Variants in ANKHD1 observed in about 807,000 individuals in gnomAD.
ANKHD1 encodes ankyrin repeat and KH domain-containing protein 1.
ANKHD1 carries 31 observed loss-of-function variants against 230.5 expected under a neutral mutation model. The ratio of observed to expected loss-of-function variants is 0.13; its 90% CI spans 0.10 to 0.18. The LOEUF is 0.18. ANKHD1 is among the 10% of genes least tolerant of loss of function. The pLI is 1.00. For missense variants in ANKHD1, 2,256 were observed against 3,071.3 expected (o/e 0.73, Z 6.27); for synonymous variants, 1,074 against 1,117.6 (o/e 0.96, Z 0.78).
At position 140,441,135 on chromosome 5, in the gene ANKHD1, T is replaced by A; in HGVS notation, c.906T>A (p.Ser302=). The change falls in exon 5 of 34, where the codon TCT becomes TCA. Residue 302 remains serine (S), a synonymous_variant. Coordinates refer to ENST00000360839, the MANE Select transcript of ANKHD1 (RefSeq NM_017747.3). ...LLHDADVNSQ[S]ATGNTALTYA... Reference sequence around the variant, plus strand: ...ATGATGCTGATGTCAACTCCCAGTCTGCAACAGGTATGTAGAAAATGATGT... The same window carrying A: ...ATGATGCTGATGTCAACTCCCAGTCAGCAACAGGTATGTAGAAAATGATGT... The A allele has an allele frequency of 1.9e-6, 3 of 1,591,400 alleles. No homozygotes were observed. The highest frequency in any genetic ancestry group is 2.6e-6 in the Non-Finnish European group (3 of 1,171,012).
At chr5:140,538,680 A>C (rs1324724817) in intron 32 of ANKHD1, among the ~76,000 whole-genome samples, 1 of 152,190 alleles carries the variant, frequency 6.6e-6, no homozygotes, top group Non-Finnish European at 1.5e-5. Context: ...AATATGAGAA[A>C]TTTCCTGATG....
At chr5:140,525,447 G>C (rs565919242) in intron 25 of ANKHD1, among the ~76,000 whole-genome samples, 21 of 152,170 alleles carry the variant, frequency 1.4e-4, no homozygotes, top group Admixed American at 1.1e-3. Context: ...ATTTTTTGTA[G>C]AGACAAGATT....
At chr5:140,457,691 C>A (rs1458335738) in intron 7 of ANKHD1, among the ~76,000 whole-genome samples, 6 of 152,128 alleles carry the variant, frequency 3.9e-5, no homozygotes, top group East Asian at 1.9e-4. Context: ...ACATCACACA[C>A]CAGGGCCTGT....
At chr5:140,519,108 G>T (rs572842425) in intron 24 of ANKHD1, among the ~76,000 whole-genome samples, 1 of 152,288 alleles carries the variant, frequency 6.6e-6, no homozygotes, top group East Asian at 1.9e-4. Context: ...CAAAATCAAT[G>T]TACAAAAATC....
intron 7 of ANKHD1, among the ~76,000 whole-genome samples, chr5:140,450,279 C>T (rs1774614957): frequency 6.8e-6 from 1 of 147,712 alleles, no homozygotes; most frequent in Non-Finnish European, 1.5e-5. Context: ...ATGTAGCAGC[C>T]ACATATTACC....
intron 1 of ANKHD1, among the ~76,000 whole-genome samples, chr5:140,426,199 G>A (rs570707032): frequency 6.6e-6 from 1 of 152,278 alleles, no homozygotes; most frequent in Admixed American, 6.5e-5. Flanking sequence ...GCATGATCTT[G>A]GCTCACTGCA....
chr5:140,467,694 G>A (rs971757180), intron 10 of ANKHD1, among the ~76,000 whole-genome samples: 1 of 152,068 alleles, frequency 6.6e-6, no homozygotes, highest in African/African-American at 2.4e-5. Flanking sequence ...ATTTGTGACA[G>A]TGAAAAAAAT....
intron 2 of ANKHD1, among the ~76,000 whole-genome samples, chr5:140,437,107 A>G (rs984787527): frequency 2.6e-5 from 4 of 152,212 alleles, no homozygotes; most frequent in African/African-American, 9.6e-5. Flanking sequence ...ATTGTTATAA[A>G]TGAAGTAGGA....
At chr5:140,458,264 A>G (rs549564500) in intron 7 of ANKHD1, among the ~76,000 whole-genome samples, 1 of 152,268 alleles carries the variant, frequency 6.6e-6, no homozygotes, top group South Asian at 2.1e-4. Context: ...TGGCAGTAGT[A>G]TAATCTTGTT....
At position 140,459,148 on chromosome 5, in the gene ANKHD1, T is replaced by C. The variant is rs1775525084; in HGVS notation, c.1481-16T>C. 3.2e-6 allele frequency: 5 copies of C among 1,554,600 alleles called. No homozygotes were observed. The highest frequency in any genetic ancestry group is 4.3e-6 in the Non-Finnish European group (5 of 1,151,186). On this transcript the variant is annotated splice_polypyrimidine_tract_variant and intron_variant, in intron 8 of 33. Transcript: ENST00000360839. ...GTCTCTTGCAACTAATTTTATCTGT[T>C]TTTATACTTTCCTAGGAGCAAATAT...
Position 140,440,176 on chromosome 5 carries a change from A to C in ANKHD1, c.675A>C (p.Leu225=). Residue 225 remains leucine, a synonymous_variant, in exon 4 of 34, where the codon CTA becomes CTC. Coordinates refer to ENST00000360839, the MANE Select transcript of ANKHD1 (RefSeq NM_017747.3). ...ATGTTAATGCTGTTCGTAAATTGCT[A>C]GATGAAGGCAGAAGTGTAAATGAAC... ...DGDVNAVRKL[L]DEGRSVNEHT... The C allele has an allele frequency of 6.2e-7, 1 of 1,613,490 alleles. No homozygotes were observed. The highest frequency in any genetic ancestry group is 1.3e-5 in the African/African-American group (1 of 75,024).
intron 13 of ANKHD1, chr5:140,486,071 G>GT (rs960695753): frequency 0.075 from 15,641 of 208,028 alleles, 63 homozygotes; most frequent in South Asian, 0.15. Flanking sequence ...TTTTTCTTTT[G>GT]TTTTTTTTTT....
Position 140,440,285 on chromosome 5 carries a change from T to C in ANKHD1, c.765+19T>C, listed in dbSNP as rs760862643. 7.8e-5 allele frequency: 124 copies of C among 1,598,582 alleles called. No homozygotes were observed. Among genetic ancestry groups the C allele is most frequent in the Non-Finnish European group, 1.0e-4 (122 of 1,173,528 alleles). On this transcript the variant is annotated intron_variant, in intron 4 of 33. Coordinates refer to ENST00000360839, the MANE Select transcript of ANKHD1 (RefSeq NM_017747.3). Reference sequence around the variant, plus strand: ...AGCACAAGTAAGCAGAAATAATCTTTAGTGATTAAAATTGTGGAAGGGTTT... The same window carrying C: ...AGCACAAGTAAGCAGAAATAATCTTCAGTGATTAAAATTGTGGAAGGGTTT...
intron 9 of ANKHD1, among the ~76,000 whole-genome samples, chr5:140,462,309 A>G (rs748619682): frequency 6.6e-6 from 1 of 152,008 alleles, no homozygotes; most frequent in Non-Finnish European, 1.5e-5. Context: ...TTAATTCCTT[A>G]GGGGTTACAA....
At chr5:140,425,206 T>C (rs1233347648) in intron 1 of ANKHD1, among the ~76,000 whole-genome samples, 1 of 152,232 alleles carries the variant, frequency 6.6e-6, no homozygotes, top group Non-Finnish European at 1.5e-5. Context: ...TGGTTCTTTT[T>C]TGTGCTACAT....
intron 5 of ANKHD1, 31 bp from the exon 6 acceptor site, chr5:140,445,711 C>T: frequency 6.6e-7 from 1 of 1,507,518 alleles, no homozygotes; most frequent in Non-Finnish European, 8.9e-7. Flanking sequence ...ATATTCTGCT[C>T]ATGTATTATA....
intron 5 of ANKHD1, among the ~76,000 whole-genome samples, chr5:140,441,962 A>G (rs1024243824): frequency 1.3e-5 from 2 of 151,744 alleles, no homozygotes; most frequent in Admixed American, 6.6e-5. Flanking sequence ...TAGATTATAG[A>G]TAAACCTGAG....
chr5:140,445,988 T>C lies in ANKHD1; in HGVS notation c.1147+13T>C, dbSNP rs774205276. The C allele has an allele frequency of 6.4e-7, 1 of 1,559,228 alleles. No homozygotes were observed. The highest frequency in any genetic ancestry group is 1.2e-5 in the South Asian group (1 of 81,252). ...GCTTGCTACAAAGGTACTTAATACATGTATGAATATTTATAATGTTTTTCG... is the reference window on the plus strand; with the variant it reads ...GCTTGCTACAAAGGTACTTAATACACGTATGAATATTTATAATGTTTTTCG... On this transcript the variant is annotated intron_variant, in intron 6 of 33. Coordinates refer to ENST00000360839, the MANE Select transcript of ANKHD1 (RefSeq NM_017747.3).
chr5:140,497,430 T>A, intron 15 of ANKHD1, 152 bp downstream of exon 15: 1 of 1,338,410 alleles, frequency 7.5e-7, no homozygotes, highest in Non-Finnish European at 9.8e-7. Flanking sequence ...GTGAATTAAC[T>A]ATGCTCAATA....
Sources: gnomAD v4.1 joint callset for allele counts (sites outside exome capture counted in the v4.1 genomes callset) on GRCh38, gnomAD v4.1.1 for gene constraint, MANE v1.5 for transcripts, NCBI Gene and HGNC (gene_info 2026-07-23, HGNC 2026-07-21) for gene names.